Variants in TMEM131L observed in about 807,000 individuals in gnomAD.
TMEM131L encodes transmembrane protein 131-like.
In TMEM131L, 54 loss-of-function variants were observed where a neutral mutation model predicts 192.2. The ratio of observed to expected loss-of-function variants is 0.28; its 90% CI spans 0.23 to 0.35. TMEM131L has a LOEUF of 0.35. Ranked by LOEUF, TMEM131L falls within the 10% of genes least tolerant of loss-of-function variation. The probability of loss-of-function intolerance (pLI) is 1.00; values close to 1 mark genes in which losing one functional copy is unlikely to be tolerated. For synonymous variants in TMEM131L, 701 were observed against 704.9 expected (o/e 0.99, Z 0.09); for missense variants, 1,888 against 1,972.9 (o/e 0.96, Z 0.82).
At chr4:153,469,568 A>T (rs1285528638) in intron 2 of TMEM131L, among the ~76,000 whole-genome samples, 2 of 152,212 alleles carry the variant, frequency 1.3e-5, no homozygotes, top group Non-Finnish European at 2.9e-5. Context: ...GAAGACTGAA[A>T]GATGGCTTCA....
chr4:153,556,256 G>A (rs1728436005), intron 5 of TMEM131L, among the ~76,000 whole-genome samples: 1 of 152,110 alleles, frequency 6.6e-6, no homozygotes, highest in Admixed American at 6.5e-5. Context: ...GAGGCATTTA[G>A]TAACTAATAC....
At chr4:153,518,769 GT>G (rs1215531914) in intron 3 of TMEM131L, among the ~76,000 whole-genome samples, 1 of 152,160 alleles carries the variant, frequency 6.6e-6, no homozygotes, top group East Asian at 1.9e-4. Flanking sequence ...CTCAGGCTCT[GT>G]TTTCTCCTTC....
chr4:153,491,080 T>TG (rs1383839816), intron 3 of TMEM131L, among the ~76,000 whole-genome samples: 1 of 152,112 alleles, frequency 6.6e-6, no homozygotes, highest in Non-Finnish European at 1.5e-5. Context: ...TTGTGGCATG[T>TG]GGAATAGGCT....
chr4:153,596,203 A>G, intron 19 of TMEM131L, 55 bp from the exon 20 acceptor site: 2 of 1,600,616 alleles, frequency 1.2e-6, no homozygotes, highest in Admixed American at 1.7e-5. Context: ...GCACTTAATG[A>G]CAATGGAAGC....
chr4:153,547,866 C>T (rs1410323967), intron 3 of TMEM131L, among the ~76,000 whole-genome samples: 4 of 152,186 alleles, frequency 2.6e-5, no homozygotes, highest in Non-Finnish European at 5.9e-5. Flanking sequence ...TTAAATCCTC[C>T]AAACCTCATC....
At chr4:153,546,999 A>T (rs1348597683) in intron 3 of TMEM131L, among the ~76,000 whole-genome samples, 2 of 152,254 alleles carry the variant, frequency 1.3e-5, no homozygotes, top group African/African-American at 4.8e-5. Context: ...CCTATGTCTG[A>T]AATAGTTTTA....
At chr4:153,569,928 C>T (rs1404851472) in intron 7 of TMEM131L, among the ~76,000 whole-genome samples, 2 of 152,186 alleles carry the variant, frequency 1.3e-5, no homozygotes, top group Non-Finnish European at 2.9e-5. Context: ...AAGTTCAAGG[C>T]TATGGTAGTG....
At chr4:153,577,874 T>C (rs1446179645) in intron 7 of TMEM131L, among the ~76,000 whole-genome samples, 2 of 152,026 alleles carry the variant, frequency 1.3e-5, no homozygotes, top group African/African-American at 4.8e-5. Flanking sequence ...TGTGTGAAGA[T>C]TCAGGTGGAT....
intron 3 of TMEM131L, among the ~76,000 whole-genome samples, chr4:153,500,450 A>T (rs1411541021): frequency 6.6e-6 from 1 of 152,162 alleles, no homozygotes; most frequent in Non-Finnish European, 1.5e-5. Context: ...GGATAGAGTG[A>T]TTCTGTTGAG....
rs562134822 is a variant in TMEM131L at position 153,628,609 on chromosome 4, G to A, written c.4207+922G>A. 8.1e-4 allele frequency among the ~76,000 whole-genome samples: 124 copies of A among 152,160 alleles called. 2 individuals are homozygous for A. The South Asian group carries it at 8.9e-3, about 11-fold the overall frequency. The stretch of plus-strand genomic sequence containing the variant: ...TTGTCCAGTTATCAACAGAAATAGC[G>A]AACCTAGTGACTAGTCCAGTAAAAT... On this transcript the variant is annotated intron_variant, in intron 31 of 34. Transcript: ENST00000409959.
intron 18 of TMEM131L, 53 bp from the exon 19 acceptor site, chr4:153,593,746 T>C (rs539184828): frequency 8.6e-7 from 1 of 1,165,892 alleles, no homozygotes; most frequent in Admixed American, 1.7e-5. Context: ...ATTAAATCTT[T>C]CTTTACTGGC....
intron 3 of TMEM131L, among the ~76,000 whole-genome samples, chr4:153,528,962 C>T (rs958762162): frequency 3.9e-5 from 6 of 152,192 alleles, no homozygotes; most frequent in South Asian, 4.2e-4. Flanking sequence ...GTCTGGCCTC[C>T]GAGAGTTGTG....
intron 3 of TMEM131L, among the ~76,000 whole-genome samples, chr4:153,511,491 G>T (rs1734353808): frequency 6.6e-6 from 1 of 152,164 alleles, no homozygotes; most frequent in African/African-American, 2.4e-5. Flanking sequence ...GAGGGTGCGA[G>T]GAGGGAGAGT....
intron 3 of TMEM131L, among the ~76,000 whole-genome samples, chr4:153,543,963 C>T (rs1449710443): frequency 6.6e-6 from 1 of 151,398 alleles, no homozygotes; most frequent in Admixed American, 6.6e-5. Context: ...TTCTGGTTAC[C>T]GTGGTCTACT....
At chr4:153,499,704 C>T (rs975574085) in intron 3 of TMEM131L, among the ~76,000 whole-genome samples, 6 of 152,106 alleles carry the variant, frequency 3.9e-5, no homozygotes, top group Admixed American at 2.0e-4. Flanking sequence ...GGATTACAGG[C>T]GTGAACCGCC....
chr4:153,625,868 A>G (rs1417267799), intron 29 of TMEM131L, among the ~76,000 whole-genome samples: 1 of 152,184 alleles, frequency 6.6e-6, no homozygotes, highest in Non-Finnish European at 1.5e-5. Flanking sequence ...AGATCACACC[A>G]TTGCACTCCA....
chr4:153,604,190 A>G lies in TMEM131L; in HGVS notation c.3178A>G (p.Thr1060Ala), dbSNP rs1732051419. 4 of 1,614,136 alleles carry G rather than the reference A, an allele frequency of 2.5e-6. No individual in the cohort carries two copies. Among genetic ancestry groups the G allele is most frequent in the Middle Eastern group, 1.7e-4 (1 of 6,060 alleles). The change falls in exon 25 of 35, where the codon ACA (threonine) becomes GCA (alanine). Residue 1060 changes from threonine to alanine, a missense_variant. Coordinates refer to ENST00000409959, the MANE Select transcript of TMEM131L (RefSeq NM_001131007.2). ...AAACTTACTGAATAAAGAAGAAAAC[A>G]CACTGAAAAACACAATTGTTTTCAG... ...PKNLLNKEEN[T>A]LKNTIVFSNP...
Position 153,499,429 on chromosome 4 carries a change from A to AT in TMEM131L, c.239+25558dup, listed in dbSNP as rs11334807. Among the ~76,000 whole-genome samples, 456 of 140,612 alleles carry AT rather than the reference A, an allele frequency of 3.2e-3. 1 individual carries two copies. Among genetic ancestry groups the AT allele is most frequent in the East Asian group, 0.01 (49 of 4,824 alleles). 92.2% of individuals were successfully genotyped at this position (140,612 alleles called of 152,430 possible). ...GCCAGTGATGAAATAGATCTTTATG[A>AT]TTTTTTTTTTTTTTTTTGAGATGCG... On this transcript the variant is annotated intron_variant, in intron 3 of 34. Transcript: ENST00000409959.
chr4:153,520,460 T>G (rs1010835695), intron 3 of TMEM131L, among the ~76,000 whole-genome samples: 3 of 152,166 alleles, frequency 2.0e-5, no homozygotes, highest in Middle Eastern at 3.4e-3. Context: ...CAGAGTGAGA[T>G]CCTGTCTCTG....
Sources: allele counts gnomAD v4.1 joint callset (sites outside exome capture counted in the v4.1 genomes callset), GRCh38; gene constraint gnomAD v4.1.1; transcripts MANE v1.5; gene names NCBI Gene and HGNC (gene_info 2026-07-23, HGNC 2026-07-21).